ATF2: variants seen among roughly 807,000 people sequenced by gnomAD.
ATF2 encodes cyclic AMP-dependent transcription factor ATF-2.
Under a neutral mutation model 60.6 loss-of-function variants are expected in ATF2, and 24 were observed. The ratio of observed to expected loss-of-function variants is 0.40; its 90% CI spans 0.29 to 0.56. The LOEUF is 0.56. Ranked by LOEUF, ATF2 falls within the 20% of genes least tolerant of loss-of-function variation. The pLI, the probability that ATF2 is intolerant of heterozygous loss-of-function variation, is 0.54. For missense variants in ATF2, 433 were observed against 607.7 expected, an observed-to-expected ratio of 0.71 and a Z score of 3.02; for synonymous variants, 206 against 215.4, an observed-to-expected ratio of 0.96 and a Z score of 0.38.
chr2:175,075,142 A>G, intron 13 of ATF2: 2 of 1,060,496 alleles, frequency 1.9e-6, no homozygotes, highest in South Asian at 3.6e-5. Flanking sequence ...AGTCTCTTAC[A>G]GATACAATCA....
intron 12 of ATF2, 25 bp from the exon 13 acceptor site, chr2:175,080,790 C>T: frequency 6.4e-7 from 1 of 1,556,660 alleles, no homozygotes; most frequent in Non-Finnish European, 8.8e-7. Flanking sequence ...ACTTATGTAC[C>T]TTACCACAGA....
chr2:175,109,727 T>C (rs71419417), intron 10 of ATF2, among the ~76,000 whole-genome samples: 10,535 of 152,276 alleles, frequency 0.069, 367 homozygotes, highest in East Asian at 0.13. Flanking sequence ...TCCCACTGCA[T>C]GGTAAATTAA....
chr2:175,128,349 A>G (rs2105741080), intron 4 of ATF2, among the ~76,000 whole-genome samples: 1 of 152,260 alleles, frequency 6.6e-6, no homozygotes, highest in South Asian at 2.1e-4. Flanking sequence ...AAAAATACAA[A>G]ATTAGCCAGG....
intron 1 of ATF2, among the ~76,000 whole-genome samples, chr2:175,156,490 T>C (rs1458699813): frequency 1.3e-5 from 2 of 151,152 alleles, no homozygotes; most frequent in Non-Finnish European, 2.9e-5. Flanking sequence ...TTTCTCCATC[T>C]GGAGTCAGAG....
intron 1 of ATF2, among the ~76,000 whole-genome samples, chr2:175,157,333 C>A (rs1378624832): frequency 6.6e-6 from 1 of 151,964 alleles, no homozygotes; most frequent in Non-Finnish European, 1.5e-5. Context: ...ATCCCCACTT[C>A]ATGTATCTAT....
At chr2:175,146,623 T>C (rs1021176584) in intron 2 of ATF2, among the ~76,000 whole-genome samples, 1 of 152,200 alleles carries the variant, frequency 6.6e-6, no homozygotes, top group African/African-American at 2.4e-5. Flanking sequence ...TCAACAGCTG[T>C]CTAAAAATAT....
chr2:175,097,476 G>T lies in ATF2; in HGVS notation c.946C>A (p.Gln316Lys), dbSNP rs773144879. 1.3e-5 allele frequency: 21 copies of T among 1,614,112 alleles called. No individual in the cohort carries two copies. The highest frequency in any genetic ancestry group is 1.8e-5 in the Non-Finnish European group (21 of 1,179,982). Residue 316 changes from glutamine to lysine, a missense_variant, in exon 11 of 14, where the codon CAA becomes AAA. This residue lies in a region of ATF2 where 246 missense variants were observed against 309.3 expected (regional missense o/e 0.80). Transcript: ENST00000264110. ...QSEESRPQSL[Q>K]QPATSTTETP... ...TCTGTAGTGGATGTGGCTGGCTGTT[G>T]TAATGACTGCGGTCGAGATTCCTCT...
intron 2 of ATF2, among the ~76,000 whole-genome samples, chr2:175,150,219 G>A (rs771705490): frequency 5.9e-5 from 9 of 151,784 alleles, no homozygotes; most frequent in Non-Finnish European, 1.0e-4. Context: ...ATTATTTTCC[G>A]AATTTTTGTC....
At chr2:175,138,332 T>C (rs577513606) in intron 2 of ATF2, among the ~76,000 whole-genome samples, 263 of 152,298 alleles carry the variant, frequency 1.7e-3, no homozygotes, top group African/African-American at 6.1e-3. Context: ...CCTGCCTTCA[T>C]GGAGTTTCCA....
At chr2:175,139,947 C>A (rs1050875782) in intron 2 of ATF2, among the ~76,000 whole-genome samples, 14 of 151,924 alleles carry the variant, frequency 9.2e-5, no homozygotes, top group African/African-American at 3.4e-4. Context: ...AAGGTTAAAG[C>A]AAAATGCCCA....
At chr2:175,095,989 A>G (rs1176860405) in intron 11 of ATF2, among the ~76,000 whole-genome samples, 1 of 152,214 alleles carries the variant, frequency 6.6e-6, no homozygotes, top group Non-Finnish European at 1.5e-5. Context: ...TTGGTCCCTA[A>G]GTAAAGTTGG....
In ATF2 at chr2:175,144,109, T is replaced by A. The variant is rs56207104; in HGVS notation, c.-44+6951A>T. 5.7e-3 allele frequency among the ~76,000 whole-genome samples: 863 copies of A among 151,498 alleles called. 7 individuals carry two copies. The highest frequency in any genetic ancestry group is 6.9e-3 in the Non-Finnish European group (466 of 67,826). On this transcript the variant is annotated intron_variant, in intron 2 of 13. Coordinates refer to ENST00000264110, the MANE Select transcript of ATF2 (RefSeq NM_001880.4). ...GCACCTGATTCTTTGCCCATTTTTTTTAAAAAAAAATGTTAGTTAAAATTC... is the reference window on the plus strand; with the variant it reads ...GCACCTGATTCTTTGCCCATTTTTTATAAAAAAAAATGTTAGTTAAAATTC...
At chr2:175,128,679 A>G (rs1317558570) in intron 4 of ATF2, among the ~76,000 whole-genome samples, 1 of 152,126 alleles carries the variant, frequency 6.6e-6, no homozygotes, top group East Asian at 1.9e-4. Context: ...CAACCATAAG[A>G]GGAAAAAAAT....
chr2:175,135,006 TAAAAA>T (rs60122560), intron 3 of ATF2, among the ~76,000 whole-genome samples: 1 of 85,782 alleles, frequency 1.2e-5, no homozygotes, highest in African/African-American at 4.5e-5. Flanking sequence ...CCCATCTCTT[TAAAAA>T]AAAAAAAAAA....
chr2:175,129,217 CATACT>C (rs1697561282), intron 4 of ATF2, among the ~76,000 whole-genome samples: 1 of 152,076 alleles, frequency 6.6e-6, no homozygotes, highest in African/African-American at 2.4e-5. Flanking sequence ...AAAAAACATA[CATACT>C]ATATGATTCC....
intron 2 of ATF2, among the ~76,000 whole-genome samples, chr2:175,150,371 C>T (rs948914439): frequency 6.6e-5 from 10 of 152,120 alleles, no homozygotes; most frequent in Non-Finnish European, 8.8e-5. Context: ...AGATTTTGTA[C>T]GCCAGACTAC....
intron 2 of ATF2, among the ~76,000 whole-genome samples, chr2:175,136,736 C>T (rs767169306): frequency 6.6e-6 from 1 of 152,024 alleles, no homozygotes; most frequent in Non-Finnish European, 1.5e-5. Flanking sequence ...TTAATTCAGC[C>T]CTTAGGGCTG....
At chr2:175,079,734 A>G (rs1179555565) in intron 13 of ATF2, among the ~76,000 whole-genome samples, 3 of 152,192 alleles carry the variant, frequency 2.0e-5, no homozygotes, top group African/African-American at 4.8e-5. Flanking sequence ...AACTGTTTGC[A>G]TCCAATACAA....
In ATF2 at chr2:175,145,457, T is replaced by C. The variant is rs145049833; in HGVS notation, c.-44+5603A>G. Among the ~76,000 whole-genome samples the C allele has an allele frequency of 6.8e-4, 104 of 152,290 alleles. No individual in the cohort carries two copies. In the East Asian group the frequency reaches 0.019, roughly 27 times the overall value. Reference sequence around the variant, plus strand: ...CCTGCTCCTGCTTTGCCTTCTGCCATGAGTAAATGCTCCTTGAGGCTTCCT... The same window carrying C: ...CCTGCTCCTGCTTTGCCTTCTGCCACGAGTAAATGCTCCTTGAGGCTTCCT... On this transcript the variant is annotated intron_variant, in intron 2 of 13. Coordinates refer to ENST00000264110, the MANE Select transcript of ATF2 (RefSeq NM_001880.4).
Sources: allele counts gnomAD v4.1 joint callset (sites outside exome capture counted in the v4.1 genomes callset), GRCh38; gene constraint gnomAD v4.1.1; regional missense constraint gnomAD v4.1.1; transcripts MANE v1.5; gene names NCBI Gene and HGNC (gene_info 2026-07-23, HGNC 2026-07-21).